The following ATF6 variants were observed in gnomAD, a reference collection of about 807,000 sequenced individuals.
ATF6 encodes the protein cyclic AMP-dependent transcription factor ATF-6 alpha.
In ATF6, 53 loss-of-function variants were observed where a neutral mutation model predicts 83.6. The observed-to-expected ratio is 0.63, with a 90% confidence interval of 0.51 to 0.80. The LOEUF (loss-of-function observed/expected upper bound fraction) is 0.80, where lower values mean the gene tolerates loss of function less well. Ranked by LOEUF, ATF6 falls within the 30% of genes least tolerant of loss-of-function variation. The pLI is 0.00. For synonymous variants in ATF6, 288 were observed against 285.8 expected (o/e 1.01, Z -0.08); for missense variants, 744 against 797.9 (o/e 0.93, Z 0.81).
chr1:161,847,150 T>A (rs2101819971), intron 10 of ATF6, among the ~76,000 whole-genome samples: 1 of 152,338 alleles, frequency 6.6e-6, no homozygotes, highest in East Asian at 1.9e-4. Flanking sequence ...GAAGGTATAG[T>A]GGACATTTTT....
chr1:161,910,349 A>G (rs142439113), intron 14 of ATF6, among the ~76,000 whole-genome samples: 32 of 152,314 alleles, frequency 2.1e-4, no homozygotes, highest in African/African-American at 7.2e-4. Flanking sequence ...AACCTTTAAT[A>G]ATTAGAGACA....
At chr1:161,833,158 C>T (rs990809875) in intron 9 of ATF6, among the ~76,000 whole-genome samples, 19 of 147,294 alleles carry the variant, frequency 1.3e-4, no homozygotes, top group African/African-American at 4.8e-4. Flanking sequence ...CTGGAGTGGA[C>T]CTCCAGTAAA....
intron 14 of ATF6, among the ~76,000 whole-genome samples, chr1:161,911,027 AT>A (rs1365919776): frequency 2.0e-5 from 3 of 152,186 alleles, no homozygotes; most frequent in South Asian, 2.1e-4. Flanking sequence ...CACTTTTTAG[AT>A]TTTTTTCTTA....
At chr1:161,801,885 G>A (rs771213262) in intron 6 of ATF6, among the ~76,000 whole-genome samples, 167 bp from the exon 7 acceptor site, 1 of 152,146 alleles carries the variant, frequency 6.6e-6, no homozygotes, top group Non-Finnish European at 1.5e-5. Flanking sequence ...ACATAACAAA[G>A]TCACCATAAG....
chr1:161,773,478 C>G (rs1408846828), intron 1 of ATF6, among the ~76,000 whole-genome samples: 1 of 151,988 alleles, frequency 6.6e-6, no homozygotes, highest in African/African-American at 2.4e-5. Flanking sequence ...GCTGGCCAGG[C>G]TGGTCTCAAA....
At chr1:161,910,529 A>G (rs1199501851) in intron 14 of ATF6, among the ~76,000 whole-genome samples, 1 of 152,214 alleles carries the variant, frequency 6.6e-6, no homozygotes, top group Non-Finnish European at 1.5e-5. Context: ...AAAAACAACA[A>G]TTAGTATGGC....
At chr1:161,940,528 C>T (rs183798075) in intron 15 of ATF6, among the ~76,000 whole-genome samples, 2 of 150,684 alleles carry the variant, frequency 1.3e-5, no homozygotes, top group Non-Finnish European at 3.0e-5. Context: ...GCTGAAGAAT[C>T]CCTTAGTCTC....
intron 7 of ATF6, among the ~76,000 whole-genome samples, chr1:161,802,555 T>C (rs1228162011): frequency 1.3e-5 from 2 of 152,260 alleles, no homozygotes; most frequent in African/African-American, 4.8e-5. Context: ...CCAACCCTCT[T>C]ATTATTCTCT....
At chr1:161,788,384 T>A (rs955649824) in intron 4 of ATF6, among the ~76,000 whole-genome samples, 15 of 152,190 alleles carry the variant, frequency 9.9e-5, no homozygotes, top group Admixed American at 5.2e-4. Context: ...ATTCCTGTCC[T>A]TTGCCAGTTT....
chr1:161,780,761 G>A (rs531774159), intron 2 of ATF6, among the ~76,000 whole-genome samples: 24 of 152,286 alleles, frequency 1.6e-4, no homozygotes, highest in African/African-American at 5.3e-4. Flanking sequence ...CCAGGATGGA[G>A]TGCAGTGGCA....
chr1:161,908,196 C>T lies in ATF6; in HGVS notation c.1720-4100C>T, dbSNP rs1687915754. ...GGAAGGGTCATTTAATCAGTCTGTA[C>T]TCTACATAGATACGTAGAATCAACA... On this transcript the variant is annotated intron_variant, in intron 14 of 15. Coordinates refer to ENST00000367942, the MANE Select transcript of ATF6 (RefSeq NM_007348.4). Among the ~76,000 whole-genome samples, 5 of 152,266 alleles carry T rather than the reference C, an allele frequency of 3.3e-5. No homozygotes were observed. In the South Asian group the frequency reaches 1.0e-3, roughly 32 times the overall value.
chr1:161,944,713 C>T (rs954881586), intron 15 of ATF6, among the ~76,000 whole-genome samples: 8 of 152,182 alleles, frequency 5.3e-5, no homozygotes, highest in Non-Finnish European at 8.8e-5. Context: ...ACCACTGCCT[C>T]CTCAGAGTTA....
At chr1:161,908,412 A>T (rs1687919898) in intron 14 of ATF6, among the ~76,000 whole-genome samples, 1 of 152,210 alleles carries the variant, frequency 6.6e-6, no homozygotes, top group Non-Finnish European at 1.5e-5. Context: ...AATTGCTTGG[A>T]AGAGGGAATT....
Position 161,766,331 on chromosome 1 carries a change from A to T in ATF6, c.-30A>T, listed in dbSNP as rs989482517. On this transcript the variant is annotated 5_prime_UTR_variant, in exon 1 of 16. Transcript: ENST00000367942. ...GCCGCCGCCGTCCCAGATATTAATCACGGAGTTCCAGGGAGAAGGAACTTG... is the reference window on the plus strand; with the variant it reads ...GCCGCCGCCGTCCCAGATATTAATCTCGGAGTTCCAGGGAGAAGGAACTTG... The T allele has an allele frequency of 1.2e-6, 2 of 1,601,586 alleles. No individual in the cohort carries two copies. The highest frequency in any genetic ancestry group is 2.2e-5 in the South Asian group (2 of 90,582).
At chr1:161,923,875 A>G (rs1233361692) in intron 15 of ATF6, among the ~76,000 whole-genome samples, 1 of 152,216 alleles carries the variant, frequency 6.6e-6, no homozygotes, top group African/African-American at 2.4e-5. Flanking sequence ...TTTCTGCCTT[A>G]TGGCAAAAAT....
At chr1:161,866,516 T>C (rs1687003414) in intron 14 of ATF6, among the ~76,000 whole-genome samples, 2 of 152,244 alleles carry the variant, frequency 1.3e-5, no homozygotes. Context: ...AAAGAGTTTT[T>C]ACCACCAACA....
chr1:161,793,307 C>G (rs1684928492), intron 6 of ATF6, among the ~76,000 whole-genome samples: 1 of 152,122 alleles, frequency 6.6e-6, no homozygotes. Context: ...GAAAATTCAT[C>G]CATCAGTCCC....
intron 15 of ATF6, among the ~76,000 whole-genome samples, chr1:161,917,016 GC>G (rs1348561260): frequency 2.6e-5 from 4 of 152,142 alleles, no homozygotes; most frequent in Non-Finnish European, 4.4e-5. Flanking sequence ...AGCTTATCCA[GC>G]TTCTCCTCTT....
intron 1 of ATF6, among the ~76,000 whole-genome samples, chr1:161,770,378 C>A (rs959356865): frequency 4.6e-5 from 7 of 152,142 alleles, no homozygotes. Context: ...CCACAGACTG[C>A]GTGGTTTAAA....
Sources: gnomAD v4.1 joint callset for allele counts (sites outside exome capture counted in the v4.1 genomes callset) on GRCh38, gnomAD v4.1.1 for gene constraint, MANE v1.5 for transcripts, NCBI Gene and HGNC (gene_info 2026-07-23, HGNC 2026-07-21) for gene names.